ZHX2: variants seen among roughly 807,000 people sequenced by gnomAD.
ZHX2 encodes zinc fingers and homeoboxes protein 2.
In ZHX2, 6 loss-of-function variants were observed where a neutral mutation model predicts 21.9. The observed-to-expected ratio is 0.27, with a 90% CI of 0.15 to 0.54. The LOEUF is 0.54. Among genes scored for constraint, ZHX2 ranks in the 20% least tolerant of loss-of-function variants. ZHX2 has a pLI of 0.95. For missense variants in ZHX2, 908 were observed against 1,090.7 expected (o/e 0.83, Z 2.36); for synonymous variants, 434 against 437.1 (o/e 0.99, Z 0.09).
intron 1 of ZHX2, among the ~76,000 whole-genome samples, chr8:122,787,088 GGTGTGTGTGT>G (rs35726514): frequency 1.3e-5 from 2 of 148,450 alleles, no homozygotes; most frequent in South Asian, 2.1e-4. Context: ...GATTGGCAGT[GGTGTGTGTGT>G]GTGTGTGTGT....
chr8:122,891,421 G>A (rs376086974), intron 2 of ZHX2, among the ~76,000 whole-genome samples: 2 of 150,998 alleles, frequency 1.3e-5, no homozygotes, highest in African/African-American at 2.4e-5. Flanking sequence ...TCTCTGTTTT[G>A]TTTATTTCTG....
At chr8:122,803,512 T>C (rs1195428374) in intron 1 of ZHX2, among the ~76,000 whole-genome samples, 1 of 152,216 alleles carries the variant, frequency 6.6e-6, no homozygotes, top group Middle Eastern at 3.2e-3. Flanking sequence ...CTGTGCATCA[T>C]AGGGTATTTG....
At chr8:122,916,664 T>C (rs1263836160) in intron 2 of ZHX2, among the ~76,000 whole-genome samples, 1 of 152,122 alleles carries the variant, frequency 6.6e-6, no homozygotes, top group Non-Finnish European at 1.5e-5. Flanking sequence ...GCCCAAGTAG[T>C]TTCCTTCCCA....
chr8:122,928,599 G>A (rs1032088286), intron 2 of ZHX2, among the ~76,000 whole-genome samples: 1 of 152,188 alleles, frequency 6.6e-6, no homozygotes, highest in African/African-American at 2.4e-5. Flanking sequence ...GGGCAAATTG[G>A]GATAAAGAGA....
chr8:122,789,360 C>G (rs1185311277), intron 1 of ZHX2, among the ~76,000 whole-genome samples: 1 of 152,224 alleles, frequency 6.6e-6, no homozygotes, highest in Non-Finnish European at 1.5e-5. Flanking sequence ...GCTCTAAGGA[C>G]AAAGCCATCT....
rs1389656452 is a variant in ZHX2 at position 122,782,465 on chromosome 8, G to C, written c.-283+519G>C. 1.3e-5 allele frequency among the ~76,000 whole-genome samples: 2 copies of C among 152,132 alleles called. No individual in the cohort carries two copies. Among genetic ancestry groups the C allele is most frequent in the African/African-American group, 4.8e-5 (2 of 41,442 alleles). On this transcript the variant is annotated intron_variant, in intron 1 of 3. Coordinates refer to ENST00000314393, the MANE Select transcript of ZHX2 (RefSeq NM_014943.5). The surrounding 1 kb of genome is among the most constrained non-coding windows in gnomAD (Gnocchi z 5.3). ...TCCACCGGGACGTGGCCCCGTCTCC[G>C]CGCGTTTTGGCAGGCGGGGGGCTGC... is the stretch of plus-strand genomic sequence containing the variant.
chr8:122,969,095 G>A (rs530958025), intron 3 of ZHX2, among the ~76,000 whole-genome samples: 1 of 151,766 alleles, frequency 6.6e-6, no homozygotes, highest in African/African-American at 2.4e-5. Context: ...CAGGAGGTGG[G>A]GATTGCAGTG....
chr8:122,971,730 G>C (rs975090576), intron 3 of ZHX2, among the ~76,000 whole-genome samples: 2 of 151,592 alleles, frequency 1.3e-5, no homozygotes, highest in African/African-American at 4.8e-5. Flanking sequence ...AAAACTTCTA[G>C]CCTGTCATGG....
chr8:122,849,140 G>A (rs1036122620), intron 1 of ZHX2, among the ~76,000 whole-genome samples: 3 of 152,218 alleles, frequency 2.0e-5, no homozygotes, highest in African/African-American at 7.2e-5. Flanking sequence ...CGATAGTGGG[G>A]TGGGCCTCTG....
chr8:122,851,644 T>G (rs1251577458), intron 1 of ZHX2, among the ~76,000 whole-genome samples: 1 of 152,244 alleles, frequency 6.6e-6, no homozygotes. Context: ...CATCAACATT[T>G]CCTGGATGAG....
At chr8:122,933,940 G>GT (rs1248467998) in intron 2 of ZHX2, among the ~76,000 whole-genome samples, 1 of 152,234 alleles carries the variant, frequency 6.6e-6, no homozygotes, top group African/African-American at 2.4e-5. Flanking sequence ...GGAAGCCAAG[G>GT]TGGGAGGATC....
At chr8:122,855,164 G>A (rs1407107010) in intron 1 of ZHX2, among the ~76,000 whole-genome samples, 2 of 152,148 alleles carry the variant, frequency 1.3e-5, no homozygotes, top group Non-Finnish European at 2.9e-5. Flanking sequence ...TTCCTCATTT[G>A]TAAAACAGGG....
intron 1 of ZHX2, among the ~76,000 whole-genome samples, chr8:122,838,521 C>T (rs1293927815): frequency 6.7e-6 from 1 of 149,894 alleles, no homozygotes; most frequent in South Asian, 2.1e-4. Flanking sequence ...TGGTTAAATA[C>T]GTGGTAGAAA....
chr8:122,781,016 C>T (rs1417813658), upstream of ZHX2: 2 of 152,256 alleles, frequency 1.3e-5, no homozygotes, highest in East Asian at 3.9e-4. This position sits in a 1 kb window ranked among gnomAD's most constrained non-coding sequence, Gnocchi z 4.6. Flanking sequence ...CCTTCTTCCC[C>T]TCCCTACGCC....
rs147313884 is a variant in ZHX2, at chr8:122,860,313, G to T, written c.-282-3164G>T. Among the ~76,000 whole-genome samples, 1,332 of 152,342 alleles carry T rather than the reference G, an allele frequency of 8.7e-3. 23 individuals carry two copies. The highest frequency in any genetic ancestry group is 0.029 in the African/African-American group (1,213 of 41,570). On this transcript the variant is annotated intron_variant, in intron 1 of 3. Coordinates refer to ENST00000314393, the MANE Select transcript of ZHX2 (RefSeq NM_014943.5). The stretch of plus-strand genomic sequence containing the variant: ...TTGTGGAGATTACAATTCAAGATGA[G>T]ATTTGGGTGGGGACAGAAAGCCTAA...
chr8:122,795,075 A>G (rs1296303999), intron 1 of ZHX2, among the ~76,000 whole-genome samples: 1 of 152,196 alleles, frequency 6.6e-6, no homozygotes, highest in Non-Finnish European at 1.5e-5. Flanking sequence ...GGGCTGGCCC[A>G]CTTCATAGGC....
At chr8:122,784,269 T>A (rs1350430748) in intron 1 of ZHX2, among the ~76,000 whole-genome samples, 1 of 152,262 alleles carries the variant, frequency 6.6e-6, no homozygotes, top group Non-Finnish European at 1.5e-5. Context: ...AACACTGTTA[T>A]GGTGTGTGAG....
intron 2 of ZHX2, among the ~76,000 whole-genome samples, chr8:122,948,098 G>A (rs1350149033): frequency 1.3e-5 from 2 of 152,132 alleles, no homozygotes; most frequent in Non-Finnish European, 2.9e-5. Flanking sequence ...TCACTAGCCG[G>A]GGAATGGCCC....
chr8:122,803,811 C>G (rs903692262), intron 1 of ZHX2, among the ~76,000 whole-genome samples: 6 of 152,206 alleles, frequency 3.9e-5, no homozygotes, highest in Non-Finnish European at 8.8e-5. Context: ...CAATGCCCAG[C>G]CCCACCCCAC....
Sources: gnomAD v4.1 joint callset for allele counts (sites outside exome capture counted in the v4.1 genomes callset) on GRCh38, gnomAD v4.1.1 for gene constraint, Gnocchi (gnomAD v3.1) non-coding constraint, MANE v1.5 for transcripts, NCBI Gene and HGNC (gene_info 2026-07-23, HGNC 2026-07-21) for gene names.